DNAH9: variants seen among roughly 807,000 people sequenced by gnomAD.
DNAH9 encodes the protein DNAH9 variant protein.
In DNAH9, 345 loss-of-function variants were observed where a neutral mutation model predicts 471.6. The observed-to-expected ratio is 0.73, with a 90% CI of 0.67 to 0.80. DNAH9 has a LOEUF of 0.80. Ranked by LOEUF, DNAH9 falls within the 30% of genes least tolerant of loss-of-function variation. The pLI, the probability that DNAH9 is intolerant of heterozygous loss-of-function variation, is 0.00. For synonymous variants in DNAH9, 2,093 were observed against 2,123.6 expected (o/e 0.99, Z 0.40); for missense variants, 5,407 against 5,609.2 (o/e 0.96, Z 1.15).
At chr17:11,812,086 T>C in intron 45 of DNAH9, among the ~76,000 whole-genome samples, 1 of 123,440 alleles carries the variant, frequency 8.1e-6, no homozygotes, top group Non-Finnish European at 1.7e-5. Context: ...TCCAAGAATA[T>C]AAGACAATAT....
intron 14 of DNAH9, among the ~76,000 whole-genome samples, chr17:11,660,926 C>T (rs543060257): frequency 3.7e-4 from 57 of 152,160 alleles, no homozygotes; most frequent in Admixed American, 1.2e-3. Context: ...TTGTTGTGAT[C>T]TTTTACAGGC....
chr17:11,727,183 T>C (rs2075169142), intron 27 of DNAH9, among the ~76,000 whole-genome samples: 1 of 152,182 alleles, frequency 6.6e-6, no homozygotes, highest in Non-Finnish European at 1.5e-5. Context: ...GAACCTATCT[T>C]TTTGGTTGCC....
chr17:11,787,737 A>G (rs1968922899), intron 41 of DNAH9, among the ~76,000 whole-genome samples: 2 of 152,140 alleles, frequency 1.3e-5, no homozygotes, highest in South Asian at 4.1e-4. Context: ...CCAGTGAGAG[A>G]TAATTGGAAC....
intron 15 of DNAH9, among the ~76,000 whole-genome samples, chr17:11,665,760 T>C (rs1471766991): frequency 2.0e-5 from 3 of 152,130 alleles, no homozygotes; most frequent in Non-Finnish European, 4.4e-5. Flanking sequence ...CAGAGGTAAA[T>C]AGTTTGAAGC....
intron 29 of DNAH9, among the ~76,000 whole-genome samples, chr17:11,740,397 C>T (rs1167801166): frequency 6.6e-6 from 1 of 152,166 alleles, no homozygotes; most frequent in Non-Finnish European, 1.5e-5. Context: ...AGGGTGCCAG[C>T]ACGGTCAGGC....
chr17:11,858,614 G>A (rs1971708369), intron 50 of DNAH9, among the ~76,000 whole-genome samples: 1 of 151,964 alleles, frequency 6.6e-6, no homozygotes, highest in African/African-American at 2.4e-5. Context: ...CTGATCACTT[G>A]AATTTCTGAC....
At chr17:11,822,659 C>T in intron 47 of DNAH9, 60 bp downstream of exon 47, 1 of 1,602,636 alleles carries the variant, frequency 6.2e-7, no homozygotes, top group East Asian at 2.2e-5. Flanking sequence ...CAATGAATTC[C>T]CTGTCCAGGA....
rs555790318 is a variant in DNAH9 at position 11,712,515 on chromosome 17, TG to T, written c.5553-6818del. On this transcript the variant is annotated intron_variant, in intron 26 of 68. Transcript: ENST00000262442. ...CTGATAAGCTGTTTTCTAAAGTGGC[TG>T]CACCATTTTACATTTACACCAACAA... Among the ~76,000 whole-genome samples the T allele has an allele frequency of 1.4e-3, 218 of 152,248 alleles. 2 individuals are homozygous for T. The highest frequency in any genetic ancestry group is 5.0e-3 in the African/African-American group (206 of 41,560).
intron 45 of DNAH9, among the ~76,000 whole-genome samples, chr17:11,813,119 CACA>C (rs1969982392): frequency 6.6e-6 from 1 of 151,904 alleles, no homozygotes; most frequent in Non-Finnish European, 1.5e-5. Context: ...TCATTTAGAA[CACA>C]ACTTTTTTTC....
intron 26 of DNAH9, among the ~76,000 whole-genome samples, chr17:11,713,134 A>G (rs2150791887): frequency 6.6e-6 from 1 of 152,196 alleles, no homozygotes; most frequent in South Asian, 2.1e-4. Flanking sequence ...GCTCCCACTT[A>G]TAAGTGTGAA....
intron 67 of DNAH9, among the ~76,000 whole-genome samples, chr17:11,945,398 G>T (rs1437662630): frequency 6.6e-6 from 1 of 151,846 alleles, no homozygotes; most frequent in African/African-American, 2.4e-5. Context: ...TAAGCCAGGC[G>T]TGGTGGCGGG....
chr17:11,768,584 G>A lies in DNAH9; in HGVS notation c.7302G>A (p.Lys2434=), dbSNP rs1457416480. 6.2e-7 allele frequency: 1 copy of A among 1,614,148 alleles called. No homozygotes were observed. Among genetic ancestry groups the A allele is most frequent in the East Asian group, 2.2e-5 (1 of 44,876 alleles). ...CCAAGAAATTCGAGCCTTGGTCCAAGCTCGTCCCCCAGTTCGAATTTGACC... is the reference window on the plus strand; with the variant it reads ...CCAAGAAATTCGAGCCTTGGTCCAAACTCGTCCCCCAGTTCGAATTTGACC... ...PETKKFEPWS[K]LVPQFEFDPE... is the part of the protein sequence containing the mutation. Residue 2434 remains lysine, a synonymous_variant, in exon 37 of 69, where the codon AAG becomes AAA. Transcript: ENST00000262442.
chr17:11,848,938 G>A (rs1299077084), intron 49 of DNAH9, among the ~76,000 whole-genome samples: 1 of 151,816 alleles, frequency 6.6e-6, no homozygotes, highest in East Asian at 1.9e-4. Flanking sequence ...CCGGGTTCAC[G>A]CCATTCTCCT....
At chr17:11,931,895 A>T (rs529429288) in intron 63 of DNAH9, 119 bp from the exon 64 acceptor site, 144 of 1,230,492 alleles carry the variant, frequency 1.2e-4, no homozygotes, top group Non-Finnish European at 1.6e-4. Flanking sequence ...TGTAACTCAA[A>T]CCCAAACCAG....
chr17:11,757,402 C>A (rs896983958), intron 34 of DNAH9, 143 bp from the exon 35 acceptor site: 50 of 713,160 alleles, frequency 7.0e-5, no homozygotes, highest in Non-Finnish European at 1.1e-4. Flanking sequence ...AACCCATTTA[C>A]CCGCTCACAT....
chr17:11,783,846 G>A (rs898225311), intron 40 of DNAH9, 98 bp downstream of exon 40: 38 of 949,304 alleles, frequency 4.0e-5, no homozygotes, highest in Middle Eastern at 4.2e-4. Context: ...TCCCCATGCA[G>A]CCTCTCAGAA....
At position 11,784,380 on chromosome 17, in the gene DNAH9, T is replaced by C. The variant is rs768108466; in HGVS notation, c.7902T>C (p.His2634=). The change falls in exon 41 of 69, where the codon CAT becomes CAC. Residue 2634 remains histidine (H), a synonymous_variant. Coordinates refer to ENST00000262442, the MANE Select transcript of DNAH9 (RefSeq NM_001372.4). ...TCTACAGCATCATCCTCACTCAGCA[T>C]CTGAAGCTCGGAAACTTCCCGGCGT... ...SSIYSIILTQ[H]LKLGNFPASL... is the part of the protein sequence containing the mutation. 13 of 1,614,184 alleles carry C rather than the reference T, an allele frequency of 8.1e-6. No individual in the cohort carries two copies. Among genetic ancestry groups the C allele is most frequent in the Non-Finnish European group, 1.1e-5 (13 of 1,180,048 alleles).
At chr17:11,737,470 G>A (rs1039155845) in intron 28 of DNAH9, among the ~76,000 whole-genome samples, 1 of 152,092 alleles carries the variant, frequency 6.6e-6, no homozygotes, top group African/African-American at 2.4e-5. Context: ...CAGCTTTTGG[G>A]TTTTGCTTCC....
At chr17:11,720,118 A>G (rs965700895) in intron 27 of DNAH9, among the ~76,000 whole-genome samples, 1 of 152,148 alleles carries the variant, frequency 6.6e-6, no homozygotes, top group African/African-American at 2.4e-5. Flanking sequence ...AGTCACCGAG[A>G]AAAGCCAGAG....
Sources: gnomAD v4.1 joint callset for allele counts (sites outside exome capture counted in the v4.1 genomes callset) on GRCh38, gnomAD v4.1.1 for gene constraint, MANE v1.5 for transcripts, NCBI Gene and HGNC (gene_info 2026-07-23, HGNC 2026-07-21) for gene names.